LASP1: variants seen among roughly 807,000 people sequenced by gnomAD.
LASP1 encodes LIM and SH3 domain protein 1.
Under a neutral mutation model 38.6 loss-of-function variants are expected in LASP1, and 10 were observed. The ratio of observed to expected loss-of-function variants is 0.26; its 90% CI spans 0.16 to 0.44. The LOEUF is 0.44. Ranked by LOEUF, LASP1 falls within the 20% of genes least tolerant of loss-of-function variation. LASP1 has a pLI of 1.00. For synonymous variants in LASP1, 132 were observed against 140.8 expected, an observed-to-expected ratio of 0.94 and a Z score of 0.44; for missense variants, 243 against 375.7, an observed-to-expected ratio of 0.65 and a Z score of 2.92.
At chr17:38,878,268 T>G in intron 2 of LASP1, 88 bp downstream of exon 2, 2 of 861,346 alleles carry the variant, frequency 2.3e-6, no homozygotes, top group Non-Finnish European at 3.9e-6. Context: ...AACCGCAAGG[T>G]GACATTGGCG....
At chr17:38,887,055 A>G (rs1914160574) in intron 2 of LASP1, among the ~76,000 whole-genome samples, 1 of 152,166 alleles carries the variant, frequency 6.6e-6, no homozygotes, top group African/African-American at 2.4e-5. Context: ...AACCCTGTGC[A>G]TTCTGGCCAA....
In LASP1 at chr17:38,920,210, A is replaced by G; in HGVS notation, c.*1432A>G. 1 of 492,238 alleles carries G rather than the reference A, an allele frequency of 2.0e-6. No homozygotes were observed. The highest frequency in any genetic ancestry group is 4.0e-5 in the East Asian group (1 of 25,266). 30.5% of individuals were successfully genotyped at this position (492,238 alleles called of 1,614,324 possible). A position where few individuals can be genotyped will look rare whatever the true frequency, so the allele number is the denominator to read the frequency against. The stretch of plus-strand genomic sequence containing the variant: ...GGAGGAAGGCTCTGTCACTCCAGGC[A>G]TATGTTTCCCCATCTCTGTCTGGGG... On this transcript the variant is annotated 3_prime_UTR_variant, in exon 7 of 7. Transcript: ENST00000318008.
rs554687385 is a variant in LASP1 at position 38,919,619 on chromosome 17, C to T, written c.*841C>T. ...CCTCCTAGGCTGGAAGCCATGGTCC[C>T]GAAGTGTAGGGCAAGGGTGCCTCAG... is the stretch of plus-strand genomic sequence containing the variant. On this transcript the variant is annotated 3_prime_UTR_variant, in exon 7 of 7. Coordinates refer to ENST00000318008, the MANE Select transcript of LASP1 (RefSeq NM_006148.4). 4.5e-5 allele frequency: 13 copies of T among 286,922 alleles called. No homozygotes were observed. Among genetic ancestry groups the T allele is most frequent in the Admixed American group, 1.3e-4 (3 of 22,384 alleles). 17.8% of individuals were successfully genotyped at this position (286,922 alleles called of 1,614,324 possible).
intron 3 of LASP1, among the ~76,000 whole-genome samples, chr17:38,892,032 T>G (rs1288559758): frequency 6.6e-6 from 1 of 152,064 alleles, no homozygotes; most frequent in Non-Finnish European, 1.5e-5. Flanking sequence ...GAGGCTGCAG[T>G]GAGCCATGAT....
At chr17:38,887,319 G>A (rs971287835) in intron 2 of LASP1, among the ~76,000 whole-genome samples, 2 of 152,004 alleles carry the variant, frequency 1.3e-5, no homozygotes, top group Admixed American at 1.3e-4. Flanking sequence ...GAGGAGGGTC[G>A]TCTCGTCTCT....
intron 3 of LASP1, among the ~76,000 whole-genome samples, chr17:38,891,516 C>T (rs997104695): frequency 1.7e-4 from 26 of 152,086 alleles, no homozygotes; most frequent in African/African-American, 6.3e-4. Context: ...ACAGATGAGG[C>T]GACTGAGGCC....
chr17:38,890,543 A>T (rs764389361), intron 3 of LASP1, 39 bp downstream of exon 3: 2 of 1,579,592 alleles, frequency 1.3e-6, no homozygotes, highest in South Asian at 2.2e-5. Context: ...GCAGGGAGGG[A>T]TGCTGGGGAG....
intron 2 of LASP1, among the ~76,000 whole-genome samples, chr17:38,882,124 A>T (rs912176350): frequency 3.9e-5 from 6 of 152,174 alleles, no homozygotes; most frequent in African/African-American, 7.2e-5. Flanking sequence ...AGCTGGACTG[A>T]ATGGGCTGTG....
At chr17:38,887,134 C>G (rs1163172729) in intron 2 of LASP1, among the ~76,000 whole-genome samples, 3 of 152,168 alleles carry the variant, frequency 2.0e-5, no homozygotes, top group Admixed American at 2.0e-4. Context: ...CTAGCCCTCC[C>G]CATCAAATGC....
chr17:38,898,774 C>T (rs774772576), intron 4 of LASP1: 9 of 561,588 alleles, frequency 1.6e-5, no homozygotes, highest in Non-Finnish European at 3.4e-6. Flanking sequence ...TAAATCAGCC[C>T]CCACTCTCTC....
chr17:38,889,658 T>C (rs1238891672), intron 2 of LASP1, among the ~76,000 whole-genome samples: 1 of 152,208 alleles, frequency 6.6e-6, no homozygotes, highest in Non-Finnish European at 1.5e-5. Context: ...GTATGAGGTA[T>C]ATAGGAAATG....
At chr17:38,878,725 A>G (rs574123052) in intron 2 of LASP1, among the ~76,000 whole-genome samples, 1 of 152,234 alleles carries the variant, frequency 6.6e-6, no homozygotes, top group East Asian at 1.9e-4. Flanking sequence ...GCCTCATGCC[A>G]GCCCTTTTGG....
intron 4 of LASP1, among the ~76,000 whole-genome samples, chr17:38,903,125 TCTC>T (rs1248860676): frequency 1.3e-5 from 2 of 152,196 alleles, no homozygotes; most frequent in African/African-American, 4.8e-5. Flanking sequence ...AAGTGTCTGA[TCTC>T]CTCTGGGGTG....
intron 4 of LASP1, among the ~76,000 whole-genome samples, chr17:38,909,290 G>A (rs763176934): frequency 6.6e-5 from 10 of 152,140 alleles, no homozygotes; most frequent in Non-Finnish European, 1.5e-4. Flanking sequence ...GGTTGTACCC[G>A]TCCCCACCAG....
chr17:38,918,326 C>T lies in LASP1; in HGVS notation c.613-279C>T, dbSNP rs1338320004. On this transcript the variant is annotated intron_variant, in intron 6 of 6. Coordinates refer to ENST00000318008, the MANE Select transcript of LASP1 (RefSeq NM_006148.4). This position sits in a 1 kb window ranked among gnomAD's most constrained non-coding sequence, Gnocchi z 4.4. The stretch of plus-strand genomic sequence containing the variant: ...TACTCTGTCATCATGGCTGGTGGAC[C>T]TTACTGCAGTCCTGTTCAGGGAGGT... Among the ~76,000 whole-genome samples the T allele has an allele frequency of 6.6e-6, 1 of 152,160 alleles. No homozygotes were observed. Among genetic ancestry groups the T allele is most frequent in the African/African-American group, 2.4e-5 (1 of 41,440 alleles).
At chr17:38,877,400 G>A (rs571332828) in intron 1 of LASP1, among the ~76,000 whole-genome samples, 231 of 152,308 alleles carry the variant, frequency 1.5e-3, no homozygotes, top group African/African-American at 5.4e-3. Flanking sequence ...ACCCGCTGCC[G>A]GGTGCTCTCC....
intron 2 of LASP1, among the ~76,000 whole-genome samples, chr17:38,882,066 G>A (rs1296414718): frequency 6.6e-6 from 1 of 152,192 alleles, no homozygotes; most frequent in Non-Finnish European, 1.5e-5. Flanking sequence ...TGCCTGGTGT[G>A]TAGGCAGACA....
At chr17:38,896,071 G>T (rs1300754860) in intron 3 of LASP1, among the ~76,000 whole-genome samples, 1 of 152,234 alleles carries the variant, frequency 6.6e-6, no homozygotes, top group Non-Finnish European at 1.5e-5. Context: ...GCACCCTGGT[G>T]AGCCATCCTA....
intron 2 of LASP1, among the ~76,000 whole-genome samples, chr17:38,887,597 C>T (rs1023613061): frequency 9.2e-5 from 14 of 152,286 alleles, no homozygotes; most frequent in African/African-American, 3.4e-4. Context: ...GGAGGAACTG[C>T]GAGTCTGGGC....
Sources: gnomAD v4.1 joint callset for allele counts (sites outside exome capture counted in the v4.1 genomes callset) on GRCh38, gnomAD v4.1.1 for gene constraint, Gnocchi (gnomAD v3.1) non-coding constraint, MANE v1.5 for transcripts, NCBI Gene and HGNC (gene_info 2026-07-23, HGNC 2026-07-21) for gene names.